TCF4: variants seen among roughly 807,000 people sequenced by gnomAD.
TCF4 encodes SL3-3 enhancer factor 2.
Under a neutral mutation model 82.1 loss-of-function variants are expected in TCF4, and 3 were observed. That is an observed-to-expected ratio of 0.04 (90% CI 0.02 to 0.09). The LOEUF (loss-of-function observed/expected upper bound fraction) is 0.09, where lower values mean the gene tolerates loss of function less well. Ranked by LOEUF, TCF4 falls within the 10% of genes least tolerant of loss-of-function variation. The probability of loss-of-function intolerance (pLI) is 1.00; values close to 1 mark genes in which losing one functional copy is unlikely to be tolerated. For synonymous variants in TCF4, 276 were observed against 309.6 expected, an observed-to-expected ratio of 0.89 and a Z score of 1.14; for missense variants, 518 against 852.7, an observed-to-expected ratio of 0.61 and a Z score of 4.89.
chr18:55,343,695 T>C (rs1208548082), intron 8 of TCF4, among the ~76,000 whole-genome samples: 1 of 151,876 alleles, frequency 6.6e-6, no homozygotes, highest in Non-Finnish European at 1.5e-5. Flanking sequence ...ACTCCTCAAA[T>C]AGCTCTACAC....
Position 55,524,301 on chromosome 18 carries a change from T to G in TCF4, c.146-60164A>C, listed in dbSNP as rs1483090437. Reference sequence around the variant, plus strand: ...TAATAACCACCTTATTAATCAAATCTTACATTTGTGCTGAGTGTATATTCT... The same window carrying G: ...TAATAACCACCTTATTAATCAAATCGTACATTTGTGCTGAGTGTATATTCT... On this transcript the variant is annotated intron_variant, in intron 3 of 19. Transcript: ENST00000354452. 2.6e-5 allele frequency among the ~76,000 whole-genome samples: 4 copies of G among 152,266 alleles called. No individual in the cohort carries two copies. The East Asian group carries it at 7.7e-4, about 29-fold the overall frequency.
At chr18:55,472,242 T>C (rs959584719) in intron 3 of TCF4, among the ~76,000 whole-genome samples, 1 of 152,254 alleles carries the variant, frequency 6.6e-6, no homozygotes, top group South Asian at 2.1e-4. Flanking sequence ...GTAACTGTTA[T>C]GTTACAAATA....
At chr18:55,510,673 A>G in intron 3 of TCF4, 1 of 1,485,022 alleles carries the variant, frequency 6.7e-7, no homozygotes. Context: ...AAACTTTTAA[A>G]GTTTGTGAAC....
At chr18:55,238,323 A>T (rs2050163689) in intron 15 of TCF4, among the ~76,000 whole-genome samples, 1 of 152,244 alleles carries the variant, frequency 6.6e-6, no homozygotes, top group South Asian at 2.1e-4. Context: ...TATCTATGCT[A>T]AAAATAGAAG....
intron 3 of TCF4, among the ~76,000 whole-genome samples, chr18:55,583,165 C>T (rs1436294035): frequency 6.6e-6 from 1 of 152,098 alleles, no homozygotes; most frequent in Non-Finnish European, 1.5e-5. Flanking sequence ...AGGACCATTA[C>T]ACTTTTTACC....
chr18:55,375,663 G>C (rs2145713162), intron 6 of TCF4, among the ~76,000 whole-genome samples: 1 of 152,176 alleles, frequency 6.6e-6, no homozygotes, highest in South Asian at 2.1e-4. Context: ...AGGCTAGTAA[G>C]AAAGTTCTGG....
intron 5 of TCF4, among the ~76,000 whole-genome samples, chr18:55,428,061 G>A (rs2095057044): frequency 1.3e-5 from 2 of 152,146 alleles, no homozygotes; most frequent in South Asian, 2.1e-4. Context: ...ACTCAACTCT[G>A]AGGGATGGAA....
chr18:55,464,030 A>G (rs1265258555), intron 4 of TCF4, 46 bp downstream of exon 4: 3 of 1,551,262 alleles, frequency 1.9e-6, no homozygotes, highest in East Asian at 2.2e-5. Flanking sequence ...GTCAATTTAC[A>G]TATGTGGGAT....
At chr18:55,500,329 G>T (rs1163902194) in intron 3 of TCF4, among the ~76,000 whole-genome samples, 1 of 152,120 alleles carries the variant, frequency 6.6e-6, no homozygotes, top group Non-Finnish European at 1.5e-5. Flanking sequence ...CAAAGAATTA[G>T]GAATAGCAGG....
chr18:55,579,450 A>G (rs2097556903), intron 3 of TCF4, among the ~76,000 whole-genome samples: 1 of 36,108 alleles, frequency 2.8e-5, no homozygotes, highest in African/African-American at 6.3e-5. Flanking sequence ...TAGCTCATAA[A>G]ATACAAAAAA....
In TCF4 at chr18:55,505,728, C is replaced by T. The variant is rs372935688; in HGVS notation, c.146-41591G>A. ...CTGAGGCAGGAGAATGGCGTGAACCCGGGAGGCGGAGCTTGCAGTGAGCCG... is the reference window on the plus strand; with the variant it reads ...CTGAGGCAGGAGAATGGCGTGAACCTGGGAGGCGGAGCTTGCAGTGAGCCG... On this transcript the variant is annotated intron_variant, in intron 3 of 19. Transcript: ENST00000354452. Among the ~76,000 whole-genome samples the T allele has an allele frequency of 6.4e-3, 938 of 147,072 alleles. 8 individuals are homozygous for T. Among genetic ancestry groups the T allele is most frequent in the African/African-American group, 0.022 (893 of 40,222 alleles).
intron 2 of TCF4, among the ~76,000 whole-genome samples, chr18:55,599,643 C>T (rs1369083931): frequency 6.6e-6 from 1 of 152,192 alleles, no homozygotes; most frequent in East Asian, 1.9e-4. Flanking sequence ...ATCACTTGAA[C>T]CCAGGAGGCA....
intron 3 of TCF4, among the ~76,000 whole-genome samples, chr18:55,563,284 T>G (rs2097371616): frequency 6.6e-6 from 1 of 151,152 alleles, no homozygotes; most frequent in African/African-American, 2.4e-5. Flanking sequence ...TTTCTCTGGC[T>G]AATAAAAAAT....
At chr18:55,294,903 G>A (rs1292035560) in intron 8 of TCF4, among the ~76,000 whole-genome samples, 2 of 152,100 alleles carry the variant, frequency 1.3e-5, no homozygotes, top group Non-Finnish European at 2.9e-5. Context: ...AATAACAGTT[G>A]CAAGAAATTA....
At chr18:55,382,281 A>G (rs996332546) in intron 6 of TCF4, among the ~76,000 whole-genome samples, 1 of 152,124 alleles carries the variant, frequency 6.6e-6, no homozygotes, top group Admixed American at 6.5e-5. Flanking sequence ...TCACAGCTTT[A>G]GTCAGCATTG....
chr18:55,429,149 A>AT lies in TCF4; in HGVS notation c.305-25632dup, dbSNP rs2095095664. Reference sequence around the variant, plus strand: ...ACCATCAAAGGCCCACAGACGGCATATAAGTGAAATGAAGCCTTAGCAGGG... The same window carrying AT: ...ACCATCAAAGGCCCACAGACGGCATATTAAGTGAAATGAAGCCTTAGCAGGG... On this transcript the variant is annotated intron_variant, in intron 5 of 19. Coordinates refer to ENST00000354452, the MANE Select transcript of TCF4 (RefSeq NM_001083962.2). Among the ~76,000 whole-genome samples the AT allele has an allele frequency of 2.0e-5, 3 of 152,338 alleles. No homozygotes were observed. In the South Asian group the frequency reaches 6.2e-4, roughly 32 times the overall value.
At chr18:55,553,689 G>A (rs1010149088) in intron 3 of TCF4, among the ~76,000 whole-genome samples, 1 of 152,178 alleles carries the variant, frequency 6.6e-6, no homozygotes. Context: ...GTAGTATGAT[G>A]TATCATAACA....
At chr18:55,431,038 T>C (rs531660639) in intron 5 of TCF4, among the ~76,000 whole-genome samples, 4 of 152,094 alleles carry the variant, frequency 2.6e-5, no homozygotes, top group South Asian at 2.1e-4. Flanking sequence ...AATAGAGTTA[T>C]GAAAAGAAAG....
At chr18:55,402,255 A>C in intron 6 of TCF4, 1 of 984,554 alleles carries the variant, frequency 1.0e-6, no homozygotes, top group Non-Finnish European at 1.2e-6. Context: ...AAATGCAAAT[A>C]TATACAGGGA....
Sources: gnomAD v4.1 joint callset for allele counts (sites outside exome capture counted in the v4.1 genomes callset) on GRCh38, gnomAD v4.1.1 for gene constraint, MANE v1.5 for transcripts, NCBI Gene and HGNC (gene_info 2026-07-23, HGNC 2026-07-21) for gene names.